Variants in CEP170 observed in about 807,000 individuals in gnomAD.
CEP170 encodes the protein centrosomal protein of 170 kDa.
Under a neutral mutation model 151.9 loss-of-function variants are expected in CEP170, and 21 were observed. The ratio of observed to expected loss-of-function variants is 0.14; its 90% confidence interval spans 0.10 to 0.20. CEP170 has a LOEUF of 0.20. Ranked by LOEUF, CEP170 falls within the 10% of genes least tolerant of loss-of-function variation. The pLI, the probability that CEP170 is intolerant of heterozygous loss-of-function variation, is 1.00. For missense variants in CEP170, 964 were observed against 1,892.9 expected, an observed-to-expected ratio of 0.51 and a Z score of 9.11; for synonymous variants, 356 against 648.8, an observed-to-expected ratio of 0.55 and a Z score of 6.86.
intron 1 of CEP170, among the ~76,000 whole-genome samples, chr1:243,234,290 T>A (rs1236558745): frequency 6.6e-6 from 1 of 152,244 alleles, no homozygotes; most frequent in Non-Finnish European, 1.5e-5. Context: ...TAAGATATTA[T>A]CTACTTAGGC....
intron 13 of CEP170, among the ~76,000 whole-genome samples, chr1:243,158,203 T>C (rs2057736337): frequency 6.6e-6 from 1 of 152,070 alleles, no homozygotes; most frequent in Non-Finnish European, 1.5e-5. Flanking sequence ...GCAGGCAAAA[T>C]CAGAAATAGT....
intron 13 of CEP170, among the ~76,000 whole-genome samples, chr1:243,160,767 C>T (rs1227663192): frequency 6.6e-6 from 1 of 152,124 alleles, no homozygotes; most frequent in Non-Finnish European, 1.5e-5. Context: ...GTCCTTTGAC[C>T]TGGAGAAAGA....
At chr1:243,193,524 C>T (rs1367447413) in intron 7 of CEP170, among the ~76,000 whole-genome samples, 3 of 152,018 alleles carry the variant, frequency 2.0e-5, no homozygotes, top group Non-Finnish European at 4.4e-5. Context: ...TGAAGCAACA[C>T]AAAAAAGCTG....
rs12048903 is a variant in CEP170, at chr1:243,174,984, C to T, written c.1567-2138G>A. ...TTTATAATTACTAACAAAAATCTAA[C>T]TCAGGTTTGAAAGTTAAAATAACCA... is the stretch of plus-strand genomic sequence containing the variant. On this transcript the variant is annotated intron_variant, in intron 10 of 19. Transcript: ENST00000366542. 1.8e-4 allele frequency: 27 copies of T among 152,304 alleles called. 1 individual carries two copies. The East Asian group carries it at 5.2e-3, about 29-fold the overall frequency. The allele number at this position is 152,304 out of a possible 1,614,324, so 9.4% of individuals were successfully genotyped here. A position where few individuals can be genotyped will look rare whatever the true frequency, so the allele number is the denominator to read the frequency against.
At chr1:243,241,073 CTAAA>C (rs950073697) in intron 1 of CEP170, among the ~76,000 whole-genome samples, 4 of 152,214 alleles carry the variant, frequency 2.6e-5, no homozygotes, top group African/African-American at 9.7e-5. Context: ...TTAATAATAT[CTAAA>C]TGAACAGAGA....
chr1:243,240,005 T>C (rs2149117968), intron 1 of CEP170, among the ~76,000 whole-genome samples: 1 of 152,278 alleles, frequency 6.6e-6, no homozygotes, highest in African/African-American at 2.4e-5. Flanking sequence ...TAAAATTCAC[T>C]GGGAATTTTC....
At chr1:243,169,814 A>G (rs1320252758) in intron 11 of CEP170, 60 bp from the exon 12 acceptor site, 31 of 1,568,788 alleles carry the variant, frequency 2.0e-5, no homozygotes, top group Non-Finnish European at 1.9e-5. Context: ...AGTCTCATGA[A>G]AGACAATTTC....
intron 8 of CEP170, among the ~76,000 whole-genome samples, chr1:243,188,012 A>G (rs1020572759): frequency 6.6e-6 from 1 of 152,010 alleles, no homozygotes; most frequent in African/African-American, 2.4e-5. Context: ...GCAATCTGAA[A>G]AGAAAAAATG....
chr1:243,175,189 G>A (rs2059145778), intron 10 of CEP170: 2 of 152,160 alleles, frequency 1.3e-5, no homozygotes, highest in African/African-American at 4.8e-5. Context: ...ACACCACTTT[G>A]AAATGACAAC....
chr1:243,231,286 G>C (rs1460283018), intron 1 of CEP170, among the ~76,000 whole-genome samples: 1 of 137,046 alleles, frequency 7.3e-6, no homozygotes, highest in Admixed American at 7.3e-5. Flanking sequence ...TTTTTTTTTT[G>C]TCAGTACAGT....
intron 14 of CEP170, among the ~76,000 whole-genome samples, chr1:243,143,080 AT>A (rs2056056800): frequency 6.6e-6 from 1 of 152,108 alleles, no homozygotes; most frequent in African/African-American, 2.4e-5. Flanking sequence ...TTACTTTCAA[AT>A]ATTTTGATAA....
chr1:243,131,573 T>C (rs541720493), intron 17 of CEP170, among the ~76,000 whole-genome samples: 12 of 152,198 alleles, frequency 7.9e-5, no homozygotes, highest in Admixed American at 3.3e-4. Flanking sequence ...CTTGTCATTT[T>C]GGCATTATGA....
chr1:243,198,978 T>C (rs1214697703), intron 7 of CEP170, 82 bp downstream of exon 7: 3 of 860,570 alleles, frequency 3.5e-6, no homozygotes, highest in Non-Finnish European at 1.8e-6. Context: ...TCATCTCTTT[T>C]CATGGTAGAC....
chr1:243,162,467 T>C (rs999240381), intron 13 of CEP170, among the ~76,000 whole-genome samples: 37 of 152,372 alleles, frequency 2.4e-4, no homozygotes, highest in Admixed American at 9.8e-4. Context: ...TAAAATCATA[T>C]ACATCAATGT....
intron 7 of CEP170, among the ~76,000 whole-genome samples, chr1:243,191,696 T>G (rs1260308041): frequency 6.6e-6 from 1 of 151,892 alleles, no homozygotes; most frequent in South Asian, 2.1e-4. Flanking sequence ...TGATTACCAA[T>G]AGGGGATGGA....
At chr1:243,210,776 G>A (rs1481844153) in intron 4 of CEP170, among the ~76,000 whole-genome samples, 1 of 151,416 alleles carries the variant, frequency 6.6e-6, no homozygotes, top group Non-Finnish European at 1.5e-5. Flanking sequence ...CACCATGACT[G>A]GTTATTTAAA....
intron 1 of CEP170, among the ~76,000 whole-genome samples, chr1:243,241,537 C>T (rs2064834715): frequency 6.6e-6 from 1 of 152,126 alleles, no homozygotes; most frequent in Non-Finnish European, 1.5e-5. Context: ...CGTCTGTAAT[C>T]CCAGCACTTT....
At position 243,124,798 on chromosome 1, in the gene CEP170, T is replaced by C. The variant is rs1172095049; in HGVS notation, c.*1651A>G. On this transcript the variant is annotated 3_prime_UTR_variant, in exon 20 of 20. Transcript: ENST00000366542. Reference sequence around the variant, plus strand: ...CAAAGCATTTGTATCTTTCCATTTATGTTCTTTAAAACCTTTTTTCAGTCT... The same window carrying C: ...CAAAGCATTTGTATCTTTCCATTTACGTTCTTTAAAACCTTTTTTCAGTCT... The C allele has an allele frequency of 6.6e-6, 1 of 152,626 alleles. No individual in the cohort carries two copies. The highest frequency in any genetic ancestry group is 2.4e-5 in the African/African-American group (1 of 41,466). 9.5% of individuals were successfully genotyped at this position (152,626 alleles called of 1,614,324 possible).
chr1:243,154,775 TTGTA>T (rs1467672703), intron 14 of CEP170, among the ~76,000 whole-genome samples: 1 of 152,220 alleles, frequency 6.6e-6, no homozygotes. Flanking sequence ...CCTCTTCTCT[TTGTA>T]TTACAACTGT....
Sources: allele counts gnomAD v4.1 joint callset (sites outside exome capture counted in the v4.1 genomes callset), GRCh38; gene constraint gnomAD v4.1.1; transcripts MANE v1.5; gene names NCBI Gene and HGNC (gene_info 2026-07-23, HGNC 2026-07-21).